The following EIF4ENIF1 variants were observed in gnomAD, a reference collection of about 807,000 sequenced individuals.
EIF4ENIF1 encodes the protein eukaryotic translation initiation factor 4E nuclear import factor 1.
EIF4ENIF1 carries 23 observed loss-of-function variants against 110.5 expected under a neutral mutation model. The ratio of observed to expected loss-of-function variants is 0.21; its 90% CI spans 0.15 to 0.29. The LOEUF (loss-of-function observed/expected upper bound fraction) is 0.29. Ranked by LOEUF, EIF4ENIF1 falls within the 10% of genes least tolerant of loss-of-function variation. The pLI is 1.00. For synonymous variants in EIF4ENIF1, 440 were observed against 437.0 expected (o/e 1.01, Z -0.09); for missense variants, 1,031 against 1,221.1 (o/e 0.84, Z 2.32).
At chr22:31,478,281 G>A (rs2051666251) in intron 2 of EIF4ENIF1, among the ~76,000 whole-genome samples, 1 of 152,048 alleles carries the variant, frequency 6.6e-6, no homozygotes, top group Admixed American at 6.6e-5. Flanking sequence ...TTGGGAGGCC[G>A]AGACCAGCTA....
chr22:31,492,773 C>G (rs776913350), upstream of EIF4ENIF1, among the ~76,000 whole-genome samples: 19 of 152,120 alleles, frequency 1.2e-4, no homozygotes, highest in Non-Finnish European at 2.5e-4. Context: ...GCTGTATCGC[C>G]CAGGCTGGAG....
At chr22:31,472,163 A>AC (rs1386880404) in intron 2 of EIF4ENIF1, among the ~76,000 whole-genome samples, 7 of 152,166 alleles carry the variant, frequency 4.6e-5, no homozygotes, top group Non-Finnish European at 7.4e-5. Context: ...ATTGAATAAC[A>AC]TTTCGTAACA....
upstream of EIF4ENIF1, chr22:31,489,939 C>G (rs1049395594): frequency 6.6e-6 from 1 of 152,328 alleles, no homozygotes; most frequent in Non-Finnish European, 1.5e-5. Flanking sequence ...GCCGCGCGCC[C>G]GGATGTGAGG....
chr22:31,463,242 A>G (rs918295016), intron 5 of EIF4ENIF1, 109 bp from the exon 6 acceptor site: 3 of 1,074,950 alleles, frequency 2.8e-6, no homozygotes, highest in Non-Finnish European at 4.0e-6. Flanking sequence ...ATGATGCTGT[A>G]TACCTGAGGC....
Position 31,443,050 on chromosome 22 carries a change from G to A in EIF4ENIF1, c.2118C>T (p.Tyr706=), listed in dbSNP as rs764379786. The change falls in exon 16 of 19, where the codon TAC becomes TAT. Residue 706 remains tyrosine, a synonymous_variant. Coordinates refer to ENST00000330125, the MANE Select transcript of EIF4ENIF1 (RefSeq NM_019843.4). ...CCTCCTTGCTTTTCTCTTTGCTCTC[G>A]TACATCTTACGAATCACTGAGGTAG... The part of the protein sequence containing the change: ...FTPTSVIRKM[Y]ESKEKSKEEP... The A allele has an allele frequency of 2.0e-5, 32 of 1,613,878 alleles. 1 individual carries two copies. Among genetic ancestry groups the A allele is most frequent in the East Asian group, 1.1e-4 (5 of 44,882 alleles).
chr22:31,472,575 G>GT (rs953525067), intron 2 of EIF4ENIF1, among the ~76,000 whole-genome samples: 3 of 151,924 alleles, frequency 2.0e-5, no homozygotes, highest in Non-Finnish European at 2.9e-5. Flanking sequence ...GGGGGCGATA[G>GT]TTTTTTTTAA....
At chr22:31,485,077 C>T (rs1174628307) in intron 2 of EIF4ENIF1, among the ~76,000 whole-genome samples, 4 of 152,152 alleles carry the variant, frequency 2.6e-5, no homozygotes, top group African/African-American at 4.8e-5. Flanking sequence ...CCCCAAGTCC[C>T]GCATAGAATT....
intron 4 of EIF4ENIF1, among the ~76,000 whole-genome samples, chr22:31,466,637 T>G (rs1601614156): frequency 2.8e-5 from 2 of 70,442 alleles, no homozygotes; most frequent in African/African-American, 6.2e-5. Context: ...AAGGGGGAAG[T>G]GTTGTGGGGG....
chr22:31,447,394 A>G, intron 14 of EIF4ENIF1, 32 bp downstream of exon 14: 1 of 1,604,990 alleles, frequency 6.2e-7, no homozygotes, highest in Non-Finnish European at 8.5e-7. Context: ...ACTTATCCGT[A>G]AATCTCCACA....
rs183735509 is a variant in EIF4ENIF1 at position 31,475,815 on chromosome 22, G to A, written c.97-3898C>T. 5.0e-4 allele frequency among the ~76,000 whole-genome samples: 76 copies of A among 151,504 alleles called. No homozygotes were observed. In the East Asian group the frequency reaches 6.2e-3, roughly 12 times the overall value. On this transcript the variant is annotated intron_variant, in intron 2 of 18. Coordinates refer to ENST00000330125, the MANE Select transcript of EIF4ENIF1 (RefSeq NM_019843.4). ...ACTTGAGGTCAAGGCTGCAGCGATC[G>A]CACCACTGCTCTCCATCCTGGGTGA...
downstream of EIF4ENIF1, chr22:31,437,579 A>G (rs1239736530): frequency 6.6e-6 from 1 of 151,774 alleles, no homozygotes; most frequent in Non-Finnish European, 1.5e-5. Flanking sequence ...CCATTTGCCA[A>G]TCACCAGCTA....
chr22:31,456,436 G>T (rs1005182003), intron 7 of EIF4ENIF1, among the ~76,000 whole-genome samples: 53 of 151,934 alleles, frequency 3.5e-4, no homozygotes, highest in Admixed American at 2.8e-3. Flanking sequence ...TGTTAGCCAG[G>T]ATGGTCTCGA....
intron 2 of EIF4ENIF1, among the ~76,000 whole-genome samples, chr22:31,478,403 C>G (rs2051671796): frequency 6.6e-6 from 1 of 150,498 alleles, no homozygotes; most frequent in South Asian, 2.1e-4. Context: ...ATCCCAGGTA[C>G]TATTCAGGAG....
At chr22:31,489,201 G>A (rs547889961) in intron 1 of EIF4ENIF1, 1 of 155,236 alleles carries the variant, frequency 6.4e-6, no homozygotes, top group African/African-American at 2.4e-5. Context: ...ACTGGGGACG[G>A]GGCCCGAGCG....
chr22:31,441,596 A>T (rs1396895866), intron 17 of EIF4ENIF1, among the ~76,000 whole-genome samples, 178 bp downstream of exon 17: 1 of 151,468 alleles, frequency 6.6e-6, no homozygotes. Context: ...TAGGTTCCTA[A>T]TCTTTTAAAG....
intron 3 of EIF4ENIF1, 35 bp from the exon 4 acceptor site, chr22:31,468,337 G>A (rs781757509): frequency 3.1e-6 from 5 of 1,613,502 alleles, no homozygotes; most frequent in East Asian, 2.2e-5. Flanking sequence ...TAGCACTTAC[G>A]CCCATGAACC....
chr22:31,461,935 T>A (rs569169165), intron 6 of EIF4ENIF1: 1 of 141,616 alleles, frequency 7.1e-6, no homozygotes, highest in Non-Finnish European at 1.6e-5. Context: ...GAAATGGGCA[T>A]AAAAAAGTAC....
intron 16 of EIF4ENIF1, 38 bp downstream of exon 16, chr22:31,442,924 T>A (rs749886362): frequency 6.2e-7 from 1 of 1,608,598 alleles, no homozygotes; most frequent in Non-Finnish European, 8.5e-7. Context: ...CTCCATCACA[T>A]ACTTTCTTGA....
chr22:31,437,075 C>T (rs2050181666), downstream of EIF4ENIF1: 1 of 152,222 alleles, frequency 6.6e-6, no homozygotes. Context: ...GTAGCTATCT[C>T]CTAGGGGAAG....
Sources: allele counts gnomAD v4.1 joint callset (sites outside exome capture counted in the v4.1 genomes callset), GRCh38; gene constraint gnomAD v4.1.1; transcripts MANE v1.5; gene names NCBI Gene and HGNC (gene_info 2026-07-23, HGNC 2026-07-21).